PLEKHA7: variants seen among roughly 807,000 people sequenced by gnomAD.
PLEKHA7 encodes pleckstrin homology domain containing A7, also known as pleckstrin homology domain-containing family A member 7.
Under a neutral mutation model 170.0 loss-of-function variants are expected in PLEKHA7, and 104 were observed. The observed-to-expected ratio is 0.61, with a 90% CI of 0.52 to 0.72. The LOEUF is 0.72. Ranked by LOEUF, PLEKHA7 falls within the 30% of genes least tolerant of loss-of-function variation. The pLI is 0.00. For missense variants in PLEKHA7, 1,615 were observed against 1,671.7 expected (o/e 0.97, Z 0.59); for synonymous variants, 648 against 660.8 (o/e 0.98, Z 0.30).
intron 3 of PLEKHA7, among the ~76,000 whole-genome samples, chr11:16,882,101 T>A (rs1855757706): frequency 6.6e-6 from 1 of 152,204 alleles, no homozygotes; most frequent in Non-Finnish European, 1.5e-5. Flanking sequence ...CAGAGACTAG[T>A]GTTTTCACAG....
chr11:16,889,256 G>A (rs947765229), intron 3 of PLEKHA7, among the ~76,000 whole-genome samples: 2 of 151,500 alleles, frequency 1.3e-5, no homozygotes, highest in South Asian at 4.2e-4. Context: ...CTCCTCCTCT[G>A]CTAACAATAG....
At chr11:16,847,190 C>T (rs426085) in intron 8 of PLEKHA7, among the ~76,000 whole-genome samples, 15,735 of 150,154 alleles carry the variant, frequency 0.1, 894 homozygotes, top group East Asian at 0.15. Context: ...TCCGTCTCCC[C>T]GGTTCATGCC....
At chr11:16,989,214 G>A (rs1432669778) in intron 3 of PLEKHA7, among the ~76,000 whole-genome samples, 3 of 152,192 alleles carry the variant, frequency 2.0e-5, no homozygotes, top group Non-Finnish European at 1.5e-5. Context: ...CCATGTGGGA[G>A]CAAGGACAAA....
At chr11:16,885,529 T>G (rs898700359) in intron 3 of PLEKHA7, among the ~76,000 whole-genome samples, 2 of 150,320 alleles carry the variant, frequency 1.3e-5, no homozygotes, top group Non-Finnish European at 3.0e-5. Flanking sequence ...CTGGGAGTGG[T>G]GGCGGAGCCT....
At chr11:16,785,333 T>A (rs571343973) in intron 24 of PLEKHA7, among the ~76,000 whole-genome samples, 1 of 152,360 alleles carries the variant, frequency 6.6e-6, no homozygotes, top group South Asian at 2.1e-4. Context: ...GAACATTTCC[T>A]CTTGTGCAGT....
intron 4 of PLEKHA7, among the ~76,000 whole-genome samples, chr11:16,860,185 T>C (rs1853824651): frequency 6.6e-6 from 1 of 152,188 alleles, no homozygotes; most frequent in Admixed American, 6.5e-5. Flanking sequence ...TTGTCAAGGA[T>C]GTGTGAAGTG....
chr11:16,779,663 A>T (rs997880896), intron 26 of PLEKHA7, among the ~76,000 whole-genome samples: 2 of 152,058 alleles, frequency 1.3e-5, no homozygotes, highest in Admixed American at 6.5e-5. Context: ...AAGGAGGCTG[A>T]CCTCTTCCTC....
At chr11:16,987,262 C>T (rs1045351714) in intron 3 of PLEKHA7, among the ~76,000 whole-genome samples, 3 of 150,496 alleles carry the variant, frequency 2.0e-5, no homozygotes, top group African/African-American at 7.4e-5. Context: ...CCATCCCCCA[C>T]ACCCCCCACT....
chr11:16,826,752 T>C (rs1392984308), intron 9 of PLEKHA7, among the ~76,000 whole-genome samples, 162 bp from the exon 10 acceptor site: 1 of 152,218 alleles, frequency 6.6e-6, no homozygotes, highest in Non-Finnish European at 1.5e-5. Context: ...TTCTGCTCCT[T>C]TGGGGATCTG....
intron 1 of PLEKHA7, 57 bp downstream of exon 1, chr11:17,014,259 G>A (rs1865533948): frequency 2.9e-6 from 4 of 1,388,576 alleles, no homozygotes; most frequent in Non-Finnish European, 3.7e-6. Context: ...TGCCCGCCCG[G>A]CCCCCGCCCC....
At chr11:16,821,289 TC>T (rs1850197217) in intron 10 of PLEKHA7, among the ~76,000 whole-genome samples, 1 of 152,222 alleles carries the variant, frequency 6.6e-6, no homozygotes, top group East Asian at 1.9e-4. Context: ...AGTCTCCTGA[TC>T]CTAACTCTAT....
At chr11:17,012,089 G>C (rs573883434) in intron 3 of PLEKHA7, among the ~76,000 whole-genome samples, 8 of 152,256 alleles carry the variant, frequency 5.3e-5, no homozygotes, top group Non-Finnish European at 1.0e-4. Context: ...CCTGGAAGAG[G>C]GCAACAGCCT....
chr11:16,895,058 T>A (rs912851168), intron 3 of PLEKHA7, among the ~76,000 whole-genome samples: 1 of 152,210 alleles, frequency 6.6e-6, no homozygotes, highest in Non-Finnish European at 1.5e-5. Context: ...CCAGGCTTTT[T>A]GACTCCAGAG....
At chr11:16,887,962 G>C (rs113870822) in intron 3 of PLEKHA7, among the ~76,000 whole-genome samples, 1 of 113,664 alleles carries the variant, frequency 8.8e-6, no homozygotes, top group African/African-American at 3.3e-5. Flanking sequence ...CTCTCTGCCC[G>C]GCCGCCCATC....
At chr11:16,966,290 A>ATGTGTGTGTGTG (rs112176840) in intron 3 of PLEKHA7, among the ~76,000 whole-genome samples, 10 of 149,114 alleles carry the variant, frequency 6.7e-5, no homozygotes, top group African/African-American at 2.5e-4. Context: ...TTGTGCATGT[A>ATGTGTGTGTGTG]TGTGTGTGTG....
intron 3 of PLEKHA7, among the ~76,000 whole-genome samples, chr11:16,981,753 TC>T (rs1391344443): frequency 6.6e-6 from 1 of 151,952 alleles, no homozygotes; most frequent in Non-Finnish European, 1.5e-5. Flanking sequence ...GTGGAGAATG[TC>T]CAATTAAAAT....
At chr11:16,803,851 A>G (rs928678403) in intron 13 of PLEKHA7, among the ~76,000 whole-genome samples, 10 of 152,214 alleles carry the variant, frequency 6.6e-5, no homozygotes, top group African/African-American at 2.4e-4. Context: ...AGACCTGGCC[A>G]AGGTAAAAAG....
At chr11:16,874,518 A>G (rs968111141) in intron 3 of PLEKHA7, among the ~76,000 whole-genome samples, 3 of 152,086 alleles carry the variant, frequency 2.0e-5, no homozygotes, top group African/African-American at 7.2e-5. Context: ...AAACAAACAA[A>G]CAAAAAAGTG....
chr11:16,805,614 A>G (rs940982240), intron 13 of PLEKHA7, among the ~76,000 whole-genome samples: 1 of 151,572 alleles, frequency 6.6e-6, no homozygotes, highest in African/African-American at 2.4e-5. Context: ...ACATGGTGAA[A>G]CCCCATCTCT....
Sources: gnomAD v4.1 joint callset for allele counts (sites outside exome capture counted in the v4.1 genomes callset) on GRCh38, gnomAD v4.1.1 for gene constraint, MANE v1.5 for transcripts, NCBI Gene and HGNC (gene_info 2026-07-23, HGNC 2026-07-21) for gene names.